Variants in RFTN1 observed in about 807,000 individuals in gnomAD.
RFTN1 encodes raftlin, lipid raft linker 1, also known as raftlin.
In RFTN1, 26 loss-of-function variants were observed where a neutral mutation model predicts 46.5. The ratio of observed to expected loss-of-function variants is 0.56; its 90% CI spans 0.41 to 0.78. The LOEUF (loss-of-function observed/expected upper bound fraction) is 0.78. Among genes scored for constraint, RFTN1 ranks in the 30% least tolerant of loss-of-function variants. RFTN1 has a pLI of 0.00. For missense variants in RFTN1, 693 were observed against 718.7 expected (o/e 0.96, Z 0.41); for synonymous variants, 261 against 284.2 (o/e 0.92, Z 0.82).
intron 1 of RFTN1, among the ~76,000 whole-genome samples, chr3:16,503,961 A>G (rs967208087): frequency 6.6e-6 from 1 of 152,194 alleles, no homozygotes; most frequent in Non-Finnish European, 1.5e-5. Context: ...GACATCTTGG[A>G]CACAGTCCTC....
intron 3 of RFTN1, among the ~76,000 whole-genome samples, chr3:16,431,394 C>T (rs1473583885): frequency 6.6e-6 from 1 of 152,070 alleles, no homozygotes; most frequent in Non-Finnish European, 1.5e-5. Context: ...ATGTAGAGTC[C>T]CAGGCCTCCC....
Position 16,442,841 on chromosome 3 carries a change from T to C in RFTN1, c.146-8804A>G, listed in dbSNP as rs1366768666. Among the ~76,000 whole-genome samples the C allele has an allele frequency of 6.6e-6, 1 of 152,240 alleles. No homozygotes were observed. The highest frequency in any genetic ancestry group is 1.9e-4 in the East Asian group (1 of 5,202). ...TGCAAGATTACGTAGTATTTTTCCT[T>C]CTGTGTCTGGCTTATTTCACTTAGC... On this transcript the variant is annotated intron_variant, in intron 2 of 9. Coordinates refer to ENST00000334133, the MANE Select transcript of RFTN1 (RefSeq NM_015150.2). This position sits in a 1 kb window ranked among gnomAD's most constrained non-coding sequence, Gnocchi z 4.1.
At chr3:16,339,538 T>A (rs2071166503) in intron 7 of RFTN1, 1 of 152,182 alleles carries the variant, frequency 6.6e-6, no homozygotes, top group Non-Finnish European at 1.5e-5. Flanking sequence ...CCATAACAGA[T>A]GCGCTGCCGG....
At chr3:16,369,683 T>C (rs762355649) in intron 6 of RFTN1, among the ~76,000 whole-genome samples, 9 of 152,228 alleles carry the variant, frequency 5.9e-5, no homozygotes, top group Non-Finnish European at 1.2e-4. Context: ...TTCAAGGTGC[T>C]GCTACTGCTA....
intron 1 of RFTN1, among the ~76,000 whole-genome samples, chr3:16,511,309 T>G (rs28554145): frequency 0.03 from 4,556 of 152,298 alleles, 222 homozygotes; most frequent in African/African-American, 0.1. Flanking sequence ...CATAAGCACA[T>G]ATTGAAGTCA....
At chr3:16,399,176 A>T (rs2074544151) in intron 4 of RFTN1, among the ~76,000 whole-genome samples, 1 of 152,248 alleles carries the variant, frequency 6.6e-6, no homozygotes, top group Non-Finnish European at 1.5e-5. Flanking sequence ...CTGGTCAGAT[A>T]TTAAAACCAA....
At position 16,457,479 on chromosome 3, in the gene RFTN1, T is replaced by C. The variant is rs2075929482; in HGVS notation, c.146-23442A>G. Among the ~76,000 whole-genome samples, 1 of 152,254 alleles carries C rather than the reference T, an allele frequency of 6.6e-6. No individual in the cohort carries two copies. Among genetic ancestry groups the C allele is most frequent in the South Asian group, 2.1e-4 (1 of 4,832 alleles). Reference sequence around the variant, plus strand: ...ACTCAATAAATGCCGGTTATCATTATACCTTCTTTTACGATATACAAGGCA... The same window carrying C: ...ACTCAATAAATGCCGGTTATCATTACACCTTCTTTTACGATATACAAGGCA... On this transcript the variant is annotated intron_variant, in intron 2 of 9. Transcript: ENST00000334133. The surrounding 1 kb of genome is among the most constrained non-coding windows in gnomAD (Gnocchi z 4.2).
intron 4 of RFTN1, among the ~76,000 whole-genome samples, chr3:16,395,847 C>T (rs562814904): frequency 6.6e-6 from 1 of 152,290 alleles, no homozygotes; most frequent in East Asian, 1.9e-4. Flanking sequence ...AAGACTTTGG[C>T]CTCCCAAAAT....
chr3:16,444,421 C>A (rs76448679), intron 2 of RFTN1, among the ~76,000 whole-genome samples: 97 of 152,196 alleles, frequency 6.4e-4, no homozygotes, highest in Non-Finnish European at 1.1e-3. Context: ...TTTTTCCAGG[C>A]GCTCCGGCTT....
chr3:16,390,918 A>C (rs1258428767), intron 4 of RFTN1, among the ~76,000 whole-genome samples: 3 of 152,196 alleles, frequency 2.0e-5, no homozygotes, highest in Non-Finnish European at 4.4e-5. Flanking sequence ...TTTCTTTTAA[A>C]GTTTTTCCAT....
Position 16,341,177 on chromosome 3 carries a change from A to T in RFTN1, c.1147-14301T>A, listed in dbSNP as rs891695315. On this transcript the variant is annotated intron_variant, in intron 7 of 9. Coordinates refer to ENST00000334133, the MANE Select transcript of RFTN1 (RefSeq NM_015150.2). This position sits in a 1 kb window ranked among gnomAD's most constrained non-coding sequence, Gnocchi z 4.7. ...ATACTTAATGCCGGTGAGGATGTGG[A>T]ACAACAGCAACTCTCGTTCACTGTG... is the stretch of plus-strand genomic sequence containing the variant. Among the ~76,000 whole-genome samples the T allele has an allele frequency of 6.6e-6, 1 of 152,190 alleles. No homozygotes were observed. Among genetic ancestry groups the T allele is most frequent in the East Asian group, 1.9e-4 (1 of 5,206 alleles).
chr3:16,333,935 G>A (rs547297118), intron 7 of RFTN1, among the ~76,000 whole-genome samples: 203 of 152,320 alleles, frequency 1.3e-3, no homozygotes, highest in African/African-American at 3.9e-3. Flanking sequence ...GGAGGCCGAC[G>A]CGGGTAGAGC....
chr3:16,369,781 TTTTAAAAGCC>T lies in RFTN1; in HGVS notation c.1030+285_1030+294del, dbSNP rs371528791. Among the ~76,000 whole-genome samples, 16 of 152,326 alleles carry T rather than the reference TTTTAAAAGCC, an allele frequency of 1.1e-4. No individual in the cohort carries two copies. In the East Asian group the frequency reaches 2.9e-3, roughly 28 times the overall value. ...AATTAACAAATCCAGGGAACAATCT[TTTTAAAAGCC>T]TTTAAAAGCAACAGAGACTGAGGCC... On this transcript the variant is annotated intron_variant, in intron 6 of 9. Transcript: ENST00000334133.
intron 2 of RFTN1, among the ~76,000 whole-genome samples, chr3:16,453,943 A>G (rs1455089849): frequency 1.3e-5 from 2 of 152,252 alleles, no homozygotes; most frequent in African/African-American, 4.8e-5. Flanking sequence ...TGCAAATAAC[A>G]TGTTATTGAC....
Position 16,512,621 on chromosome 3 carries a change from G to A in RFTN1, c.-9+821C>T, listed in dbSNP as rs1369043192. The stretch of plus-strand genomic sequence containing the variant: ...TCTTGCTGCCAAAGGCAGCGACACC[G>A]GAGGTGAAGGGCACCAGCCCTGGCC... On this transcript the variant is annotated intron_variant, in intron 1 of 9. Transcript: ENST00000334133. The surrounding 1 kb of genome is among the most constrained non-coding windows in gnomAD (Gnocchi z 4.3). Among the ~76,000 whole-genome samples the A allele has an allele frequency of 6.6e-6, 1 of 152,098 alleles. No individual in the cohort carries two copies. The highest frequency in any genetic ancestry group is 1.5e-5 in the Non-Finnish European group (1 of 68,022).
rs969883651 is a variant in RFTN1 at position 16,334,773 on chromosome 3, G to A, written c.1147-7897C>T. ...AGGAGCCTGTGAAAATGTTCCCTTCGCATGGTAAAGGGATGTGGCAGATAT... is the reference window on the plus strand; with the variant it reads ...AGGAGCCTGTGAAAATGTTCCCTTCACATGGTAAAGGGATGTGGCAGATAT... On this transcript the variant is annotated intron_variant, in intron 7 of 9. Coordinates refer to ENST00000334133, the MANE Select transcript of RFTN1 (RefSeq NM_015150.2). The surrounding 1 kb of genome is among the most constrained non-coding windows in gnomAD (Gnocchi z 4.3). Among the ~76,000 whole-genome samples, 3 of 152,296 alleles carry A rather than the reference G, an allele frequency of 2.0e-5. No homozygotes were observed. Among genetic ancestry groups the A allele is most frequent in the South Asian group, 2.1e-4 (1 of 4,818 alleles).
rs916097621 is a variant in RFTN1, at chr3:16,479,026, A to T, written c.145+14699T>A. Among the ~76,000 whole-genome samples, 1 of 152,240 alleles carries T rather than the reference A, an allele frequency of 6.6e-6. No individual in the cohort carries two copies. The highest frequency in any genetic ancestry group is 1.5e-5 in the Non-Finnish European group (1 of 68,034). On this transcript the variant is annotated intron_variant, in intron 2 of 9. Coordinates refer to ENST00000334133, the MANE Select transcript of RFTN1 (RefSeq NM_015150.2). This position sits in a 1 kb window ranked among gnomAD's most constrained non-coding sequence, Gnocchi z 5.1. ...CACAAGGCCGTGGATACCAGTAGGC[A>T]GGGGTCACTGGGGGCCATCTTGGCA...
chr3:16,506,759 C>G lies in RFTN1; in HGVS notation c.-9+6683G>C, dbSNP rs2125012387. Among the ~76,000 whole-genome samples, 1 of 152,170 alleles carries G rather than the reference C, an allele frequency of 6.6e-6. No homozygotes were observed. Among genetic ancestry groups the G allele is most frequent in the African/African-American group, 2.4e-5 (1 of 41,516 alleles). Reference sequence around the variant, plus strand: ...CACAGCTCTTGGTAATGCCTCATCTCCCTACATGACAGTAAATTTCTGGAA... The same window carrying G: ...CACAGCTCTTGGTAATGCCTCATCTGCCTACATGACAGTAAATTTCTGGAA... On this transcript the variant is annotated intron_variant, in intron 1 of 9. Coordinates refer to ENST00000334133, the MANE Select transcript of RFTN1 (RefSeq NM_015150.2). This position sits in a 1 kb window ranked among gnomAD's most constrained non-coding sequence, Gnocchi z 4.8.
intron 2 of RFTN1, among the ~76,000 whole-genome samples, chr3:16,462,479 G>A (rs985229108): frequency 6.6e-6 from 1 of 152,198 alleles, no homozygotes; most frequent in Non-Finnish European, 1.5e-5. Context: ...GCAGTCACAT[G>A]GGTCCTTATA....
Sources: gnomAD v4.1 joint callset for allele counts (sites outside exome capture counted in the v4.1 genomes callset) on GRCh38, gnomAD v4.1.1 for gene constraint, Gnocchi (gnomAD v3.1) non-coding constraint, MANE v1.5 for transcripts, NCBI Gene and HGNC (gene_info 2026-07-23, HGNC 2026-07-21) for gene names.